TRABD2A: variants seen among roughly 807,000 people sequenced by gnomAD.
TRABD2A encodes TraB domain containing 2A.
In TRABD2A, 43 loss-of-function variants were observed where a neutral mutation model predicts 45.6. The ratio of observed to expected loss-of-function variants is 0.94; its 90% CI spans 0.74 to 1.22. The LOEUF (loss-of-function observed/expected upper bound fraction) is 1.22, where lower values mean the gene tolerates loss of function less well. TRABD2A is among the 50% of genes most tolerant of loss of function. The probability of loss-of-function intolerance (pLI) is 0.00; values close to 1 mark genes in which losing one functional copy is unlikely to be tolerated. For synonymous variants in TRABD2A, 269 were observed against 265.0 expected, an observed-to-expected ratio of 1.02 and a Z score of -0.15; for missense variants, 642 against 652.4, an observed-to-expected ratio of 0.98 and a Z score of 0.17.
At chr2:84,867,178 C>A (rs1020937980) in intron 2 of TRABD2A, among the ~76,000 whole-genome samples, 1 of 152,074 alleles carries the variant, frequency 6.6e-6, no homozygotes, top group African/African-American at 2.4e-5. Context: ...AAGAACAAGT[C>A]GTTTTCCTCC....
chr2:84,827,276 T>C (rs1454654814), intron 5 of TRABD2A, among the ~76,000 whole-genome samples: 1 of 152,228 alleles, frequency 6.6e-6, no homozygotes, highest in Non-Finnish European at 1.5e-5. Flanking sequence ...CCTCACTTCA[T>C]GGAAGTCTCC....
Position 84,870,654 on chromosome 2 carries a change from C to T in TRABD2A, c.240G>A (p.Gln80=). The T allele has an allele frequency of 6.2e-7, 1 of 1,611,392 alleles. No individual in the cohort carries two copies. Among genetic ancestry groups the T allele is most frequent in the Non-Finnish European group, 8.5e-7 (1 of 1,178,770 alleles). The change falls in exon 2 of 7, where the codon CAG becomes CAA. Residue 80 remains glutamine, a synonymous_variant. Coordinates refer to ENST00000409520, the MANE Select transcript of TRABD2A (RefSeq NM_001277053.2). ...IPDNSKEAFL[Q]SSIVYFELDL... is the part of the protein sequence containing the mutation. ...CCAACTCAAAGTACACAATGCTGCT[C>T]TGCAGGAAAGCCTCCTTAGAGTTGT...
At chr2:84,825,955 C>G (rs550160673) in intron 5 of TRABD2A, among the ~76,000 whole-genome samples, 4 of 152,242 alleles carry the variant, frequency 2.6e-5, no homozygotes, top group South Asian at 4.2e-4. Flanking sequence ...CCATCCCCCC[C>G]TCCCCGATCC....
In TRABD2A at chr2:84,821,831, A is replaced by C; in HGVS notation, c.*86T>G. ...GAGCAGTCTCTTCTGGATTGGGCCC[A>C]ACAAGGCTAGACCAGAATGTGGAGT... On this transcript the variant is annotated 3_prime_UTR_variant, in exon 7 of 7. Transcript: ENST00000409520. 2 of 1,372,410 alleles carry C rather than the reference A, an allele frequency of 1.5e-6. No individual in the cohort carries two copies. The highest frequency in any genetic ancestry group is 1.9e-6 in the Non-Finnish European group (2 of 1,044,556). 85.0% of individuals were successfully genotyped at this position (1,372,410 alleles called of 1,614,324 possible).
chr2:84,870,141 G>T, intron 2 of TRABD2A, 84 bp downstream of exon 2: 1 of 1,334,494 alleles, frequency 7.5e-7, no homozygotes, highest in Non-Finnish European at 1.0e-6. Context: ...AGCTGTGCCC[G>T]TGATCCATCA....
intron 5 of TRABD2A, among the ~76,000 whole-genome samples, chr2:84,831,113 G>A (rs1681319654): frequency 6.6e-6 from 1 of 152,044 alleles, no homozygotes; most frequent in Admixed American, 6.6e-5. Flanking sequence ...CCTTTAAAGA[G>A]GTGATTCAGT....
chr2:84,834,124 T>C (rs558250989), intron 4 of TRABD2A: 28 of 152,320 alleles, frequency 1.8e-4, no homozygotes, highest in Admixed American at 1.5e-3. Flanking sequence ...GGGTGGTGCA[T>C]TGGGACACCA....
chr2:84,863,642 C>T (rs1411347435), intron 2 of TRABD2A, among the ~76,000 whole-genome samples: 3 of 118,450 alleles, frequency 2.5e-5, no homozygotes, highest in African/African-American at 1.0e-4. Flanking sequence ...GACAGAGTCT[C>T]GCTCTGATGC....
chr2:84,845,669 C>T (rs1473119988), intron 2 of TRABD2A, among the ~76,000 whole-genome samples: 2 of 152,148 alleles, frequency 1.3e-5, no homozygotes, highest in Admixed American at 6.5e-5. Context: ...AATGGAAGGG[C>T]ATAAGGGATG....
chr2:84,857,031 G>A (rs1234128897), intron 2 of TRABD2A, among the ~76,000 whole-genome samples: 1 of 152,192 alleles, frequency 6.6e-6, no homozygotes, highest in African/African-American at 2.4e-5. Flanking sequence ...AGAAAAGGCT[G>A]TGTGAGGTCA....
Position 84,880,988 on chromosome 2 carries a change from C to A in TRABD2A, c.52G>T (p.Gly18Cys). ...GGCGCCCCGCGCCGCGAAGCTGCGC[C>A]CGTGGGCAGGAGGCAGAGGGTCTGC... ...LLQTLCLLPTGAASRRGAPGT... is the reference protein window; with the variant it reads ...LLQTLCLLPTCAASRRGAPGT... The change falls in exon 1 of 7, where the codon GGC becomes TGC. Residue 18 changes from glycine (G) to cysteine (C), a missense_variant. Physicochemically the swap from Gly to Cys is radical, Grantham distance 159. Coordinates refer to ENST00000409520, the MANE Select transcript of TRABD2A (RefSeq NM_001277053.2). 6.2e-7 allele frequency: 1 copy of A among 1,605,456 alleles called. No homozygotes were observed. Among genetic ancestry groups the A allele is most frequent in the African/African-American group, 1.3e-5 (1 of 74,936 alleles).
At chr2:84,824,394 T>TC (rs200457159) in intron 5 of TRABD2A, among the ~76,000 whole-genome samples, 190 bp from the exon 6 acceptor site, 3,813 of 152,082 alleles carry the variant, frequency 0.025, 59 homozygotes, top group Middle Eastern at 0.092. Flanking sequence ...GCCTTTTTTT[T>TC]CCCCTCAGAT....
At chr2:84,874,499 G>C (rs1185759580) in intron 1 of TRABD2A, among the ~76,000 whole-genome samples, 1 of 152,226 alleles carries the variant, frequency 6.6e-6, no homozygotes, top group African/African-American at 2.4e-5. Flanking sequence ...GCCAATTGCT[G>C]TGGAGAACAT....
At chr2:84,824,833 T>C (rs1681106881) in intron 5 of TRABD2A, among the ~76,000 whole-genome samples, 1 of 152,214 alleles carries the variant, frequency 6.6e-6, no homozygotes, top group Non-Finnish European at 1.5e-5. Flanking sequence ...AGGAAGAGGC[T>C]CTCAGGGCTG....
chr2:84,826,409 C>A (rs1398869306), intron 5 of TRABD2A, among the ~76,000 whole-genome samples: 1 of 152,174 alleles, frequency 6.6e-6, no homozygotes. Flanking sequence ...GTTTTTATCT[C>A]CCTTATATTT....
intron 2 of TRABD2A, among the ~76,000 whole-genome samples, chr2:84,844,185 C>G (rs1559089206): frequency 6.6e-6 from 1 of 152,096 alleles, no homozygotes; most frequent in African/African-American, 2.4e-5. Context: ...TGGCTGTGTT[C>G]CCACCCAAAT....
intron 4 of TRABD2A, among the ~76,000 whole-genome samples, chr2:84,838,768 G>T (rs1681605967): frequency 6.6e-6 from 1 of 152,168 alleles, no homozygotes; most frequent in African/African-American, 2.4e-5. Context: ...CCCAGGCCTT[G>T]GACTTGGGAG....
At chr2:84,824,527 A>G (rs577430088) in intron 5 of TRABD2A, among the ~76,000 whole-genome samples, 1 of 151,066 alleles carries the variant, frequency 6.6e-6, no homozygotes, top group South Asian at 2.1e-4. Flanking sequence ...ACTGTCTAGA[A>G]AGACACTGAC....
At chr2:84,868,435 A>G (rs968423880) in intron 2 of TRABD2A, among the ~76,000 whole-genome samples, 3 of 123,114 alleles carry the variant, frequency 2.4e-5, no homozygotes, top group African/African-American at 6.1e-5. Context: ...AGGGCCTGTC[A>G]TGGGGTAGGG....
Sources: allele counts gnomAD v4.1 joint callset (sites outside exome capture counted in the v4.1 genomes callset), GRCh38; gene constraint gnomAD v4.1.1; transcripts MANE v1.5; gene names NCBI Gene and HGNC (gene_info 2026-07-23, HGNC 2026-07-21).